AXIN1: variants seen among roughly 807,000 people sequenced by gnomAD.
AXIN1 encodes axin 1, also known as axin-1.
In AXIN1, 30 loss-of-function variants were observed where a neutral mutation model predicts 76.4. The ratio of observed to expected loss-of-function variants is 0.39; its 90% CI spans 0.29 to 0.53. The LOEUF (loss-of-function observed/expected upper bound fraction) is 0.53, where lower values mean the gene tolerates loss of function less well. Among genes scored for constraint, AXIN1 ranks in the 20% least tolerant of loss-of-function variants. The probability of loss-of-function intolerance (pLI) is 0.66; values close to 1 mark genes in which losing one functional copy is unlikely to be tolerated. For synonymous variants in AXIN1, 545 were observed against 501.4 expected (o/e 1.09, Z -1.16); for missense variants, 1,140 against 1,198.8 (o/e 0.95, Z 0.72).
At chr16:289,750 G>GCCCCCGCA (rs772779190) in intron 9 of AXIN1, 143 bp from the exon 10 acceptor site, 106 of 997,752 alleles carry the variant, frequency 1.1e-4, no homozygotes, top group East Asian at 1.0e-3. Flanking sequence ...GGGGCCCGCA[G>GCCCCCGCA]CCCCCGCACA....
chr16:294,739 G>A (rs982728861), intron 7 of AXIN1, among the ~76,000 whole-genome samples: 3 of 115,530 alleles, frequency 2.6e-5, no homozygotes, highest in African/African-American at 3.4e-5. Context: ...TGAGCCACAG[G>A]AGCGAAACCC....
chr16:305,841 GC>G (rs533794214), intron 4 of AXIN1, among the ~76,000 whole-genome samples: 1,600 of 152,172 alleles, frequency 0.011, 26 homozygotes, highest in African/African-American at 0.037. Flanking sequence ...ACTGCACCCG[GC>G]CCCCCTATAG....
chr16:301,835 C>T (rs965826675), intron 5 of AXIN1, among the ~76,000 whole-genome samples: 2 of 152,198 alleles, frequency 1.3e-5, no homozygotes, highest in Non-Finnish European at 2.9e-5. Flanking sequence ...GCGGCCAACA[C>T]GGCAGCAAAA....
rs192002333 is a variant in AXIN1 at position 315,714 on chromosome 16, A to T, written c.879-1031T>A. On this transcript the variant is annotated intron_variant, in intron 2 of 10. Transcript: ENST00000262320. Reference sequence around the variant, plus strand: ...TGGTGGCGGGCGCCTGTAGTCCCAGACTACTTCGGAGGCTGAGGCGGGAGA... The same window carrying T: ...TGGTGGCGGGCGCCTGTAGTCCCAGTCTACTTCGGAGGCTGAGGCGGGAGA... 4.8e-3 allele frequency among the ~76,000 whole-genome samples: 729 copies of T among 151,974 alleles called. 2 individuals carry two copies. Among genetic ancestry groups the T allele is most frequent in the Non-Finnish European group, 7.5e-3 (509 of 67,966 alleles).
intron 3 of AXIN1, among the ~76,000 whole-genome samples, chr16:313,791 C>A (rs1346186235): frequency 1.3e-5 from 2 of 152,262 alleles, no homozygotes; most frequent in Non-Finnish European, 2.9e-5. Flanking sequence ...AAAAAGCCAG[C>A]TGCGAAGCAC....
intron 2 of AXIN1, among the ~76,000 whole-genome samples, chr16:319,082 G>A (rs2053379237): frequency 6.6e-6 from 1 of 152,214 alleles, no homozygotes; most frequent in Non-Finnish European, 1.5e-5. Flanking sequence ...TCTGGAACAG[G>A]TGCCAGGACT....
At position 287,566 on chromosome 16, in the gene AXIN1, C is replaced by T. The variant is rs976431536; in HGVS notation, c.*556G>A. On this transcript the variant is annotated 3_prime_UTR_variant, in exon 11 of 11. Coordinates refer to ENST00000262320, the MANE Select transcript of AXIN1 (RefSeq NM_003502.4). ...CTGCTGGCCTAGCCTGAGAAATGTACATATTTACACGGGCCCTCAGAAAGG... is the reference window on the plus strand; with the variant it reads ...CTGCTGGCCTAGCCTGAGAAATGTATATATTTACACGGGCCCTCAGAAAGG... 2 of 311,586 alleles carry T rather than the reference C, an allele frequency of 6.4e-6. No homozygotes were observed. Among genetic ancestry groups the T allele is most frequent in the East Asian group, 9.9e-5 (2 of 20,108 alleles). 19.3% of individuals were successfully genotyped at this position (311,586 alleles called of 1,614,324 possible).
chr16:311,884 A>G (rs749636945), intron 3 of AXIN1, among the ~76,000 whole-genome samples: 3 of 152,208 alleles, frequency 2.0e-5, no homozygotes, highest in Non-Finnish European at 4.4e-5. Flanking sequence ...GGACGACTGA[A>G]GAGAGCGCCC....
chr16:316,944 A>G (rs1035729737), intron 2 of AXIN1, among the ~76,000 whole-genome samples: 1 of 152,174 alleles, frequency 6.6e-6, no homozygotes, highest in Non-Finnish European at 1.5e-5. Flanking sequence ...CACAGGTCAC[A>G]GTGACACAAG....
intron 10 of AXIN1, among the ~76,000 whole-genome samples, chr16:288,873 G>A (rs967009972): frequency 2.0e-5 from 3 of 152,230 alleles, no homozygotes; most frequent in Admixed American, 6.5e-5. Flanking sequence ...GCCTAGGGGA[G>A]CCTAACACAA....
intron 4 of AXIN1, among the ~76,000 whole-genome samples, chr16:308,808 T>A (rs2053096883): frequency 6.6e-6 from 1 of 152,210 alleles, no homozygotes; most frequent in Non-Finnish European, 1.5e-5. Flanking sequence ...ACACCATCAG[T>A]GCCTAGTTTT....
rs140421619 is a variant in AXIN1 at position 304,441 on chromosome 16, G to A, written c.1117C>T (p.Arg373Cys). ...ACCTCCTTCGGCACCCGGTACGTGC[G>A]CTGCGAGGGACAGGACTGTGAGGCA... Reference protein sequence around the residue: ...NGRVPLPHIPRTYRVPKEVRV... With the variant: ...NGRVPLPHIPCTYRVPKEVRV... Residue 373 changes from arginine to cysteine, a missense_variant and splice_region_variant, in exon 5 of 11, where the codon CGC becomes TGC. Arg to Cys is a radical substitution (Grantham distance 180, BLOSUM62 -3). Around this residue, in one of 3 missense-constraint regions of AXIN1, gnomAD observed 708 missense variants for 776.9 expected, o/e 0.91. Coordinates refer to ENST00000262320, the MANE Select transcript of AXIN1 (RefSeq NM_003502.4). 9 of 1,612,578 alleles carry A rather than the reference G, an allele frequency of 5.6e-6. No individual in the cohort carries two copies. Among genetic ancestry groups the A allele is most frequent in the South Asian group, 2.2e-5 (2 of 91,088 alleles).
intron 1 of AXIN1, among the ~76,000 whole-genome samples, chr16:347,886 T>A (rs751721166): frequency 1.3e-5 from 2 of 152,242 alleles, no homozygotes; most frequent in Non-Finnish European, 2.9e-5. Context: ...CTGAAAAGCC[T>A]CTCTGATGAG....
intron 2 of AXIN1, among the ~76,000 whole-genome samples, chr16:319,122 G>A (rs1286635590): frequency 4.6e-5 from 7 of 152,194 alleles, no homozygotes; most frequent in African/African-American, 1.7e-4. Context: ...CAGAGGCTGG[G>A]AGACCCTGTA....
At chr16:340,815 C>A (rs2053901662) in intron 2 of AXIN1, among the ~76,000 whole-genome samples, 1 of 152,214 alleles carries the variant, frequency 6.6e-6, no homozygotes. Flanking sequence ...CTTTCCTAGG[C>A]TGAGACAAAG....
intron 2 of AXIN1, 88 bp from the exon 3 acceptor site, chr16:314,771 A>C: frequency 8.5e-5 from 133 of 1,556,472 alleles, no homozygotes; most frequent in Non-Finnish European, 1.1e-4. Context: ...TGAATATCTC[A>C]ATGTATTAAT....
At chr16:290,395 C>G (rs1458765830) in intron 9 of AXIN1, 1 of 156,222 alleles carries the variant, frequency 6.4e-6, no homozygotes, top group Non-Finnish European at 1.4e-5. Flanking sequence ...GCCACGTGCG[C>G]TCTTAGACGT....
chr16:331,604 A>G (rs563259478), intron 2 of AXIN1, among the ~76,000 whole-genome samples: 5 of 152,334 alleles, frequency 3.3e-5, no homozygotes, highest in South Asian at 4.1e-4. Context: ...CACTCCTATC[A>G]GCGTATAGAA....
chr16:299,831 A>G (rs2052822056), intron 5 of AXIN1, among the ~76,000 whole-genome samples: 1 of 143,748 alleles, frequency 7.0e-6, no homozygotes, highest in Non-Finnish European at 1.5e-5. Flanking sequence ...AATTTTTTAT[A>G]TTTTTAGTAG....
Sources: gnomAD v4.1 joint callset for allele counts (sites outside exome capture counted in the v4.1 genomes callset) on GRCh38, gnomAD v4.1.1 for gene constraint, gnomAD v4.1.1 regional missense constraint, MANE v1.5 for transcripts, NCBI Gene and HGNC (gene_info 2026-07-23, HGNC 2026-07-21) for gene names.